BBOX1: variants seen among roughly 807,000 people sequenced by gnomAD.
BBOX1 encodes the protein gamma-butyrobetaine dioxygenase.
In BBOX1, 35 loss-of-function variants were observed where a neutral mutation model predicts 41.6. That is an observed-to-expected ratio of 0.84 (90% CI 0.64 to 1.11). BBOX1 has a LOEUF of 1.11. BBOX1 is among the 50% of genes most tolerant of loss of function. BBOX1 has a pLI of 0.00. For synonymous variants in BBOX1, 163 were observed against 154.7 expected (o/e 1.05, Z -0.40); for missense variants, 458 against 460.6 (o/e 0.99, Z 0.05).
intron 2 of BBOX1, among the ~76,000 whole-genome samples, chr11:27,046,889 C>T (rs1851501435): frequency 6.8e-6 from 1 of 146,796 alleles, no homozygotes; most frequent in African/African-American, 2.5e-5. Context: ...TTTCAGAAAG[C>T]ATTTGCTTTT....
At chr11:27,097,482 C>A (rs928931217) in intron 5 of BBOX1, among the ~76,000 whole-genome samples, 1 of 152,008 alleles carries the variant, frequency 6.6e-6, no homozygotes, top group African/African-American at 2.4e-5. Context: ...ACTAATAATA[C>A]GTGCATGGCA....
At chr11:27,048,552 AGAT>A (rs1851565603) in intron 2 of BBOX1, among the ~76,000 whole-genome samples, 1 of 150,894 alleles carries the variant, frequency 6.6e-6, no homozygotes, top group Non-Finnish European at 1.5e-5. Flanking sequence ...ATAGATAGAT[AGAT>A]AATAGATAGA....
chr11:27,063,045 T>A (rs890264386), intron 4 of BBOX1: 6 of 152,300 alleles, frequency 3.9e-5, no homozygotes, highest in African/African-American at 9.7e-5. Flanking sequence ...AACCGTAGCA[T>A]GACCTAGAAA....
intron 5 of BBOX1, among the ~76,000 whole-genome samples, chr11:27,108,766 G>A (rs1208737030): frequency 6.6e-6 from 1 of 151,966 alleles, no homozygotes; most frequent in Non-Finnish European, 1.5e-5. Flanking sequence ...GAGAAAAATA[G>A]AGCAAAATAG....
chr11:27,046,986 G>T (rs1035970824), intron 2 of BBOX1, among the ~76,000 whole-genome samples: 1 of 151,686 alleles, frequency 6.6e-6, no homozygotes, highest in Non-Finnish European at 1.5e-5. Flanking sequence ...AGTTAAAGTG[G>T]GAACTTATTT....
At chr11:27,057,095 GC>G in intron 3 of BBOX1, 105 bp from the exon 4 acceptor site, 2 of 298,936 alleles carry the variant, frequency 6.7e-6, no homozygotes, top group Admixed American at 6.3e-5. Flanking sequence ...ATTAAGCAAA[GC>G]ATAATTGGAT....
At chr11:27,076,698 T>C (rs1165423366) in intron 4 of BBOX1, among the ~76,000 whole-genome samples, 1 of 152,142 alleles carries the variant, frequency 6.6e-6, no homozygotes, top group African/African-American at 2.4e-5. Flanking sequence ...AGGTAGGGGC[T>C]GGGTCAGACA....
chr11:27,077,212 C>T (rs1480669212), intron 4 of BBOX1, among the ~76,000 whole-genome samples: 1 of 152,074 alleles, frequency 6.6e-6, no homozygotes, highest in African/African-American at 2.4e-5. Context: ...TGAAGTAGGA[C>T]CAAAAATGGC....
intron 4 of BBOX1, among the ~76,000 whole-genome samples, chr11:27,079,024 A>G (rs1488008149): frequency 1.3e-5 from 2 of 152,206 alleles, no homozygotes; most frequent in Admixed American, 6.5e-5. Context: ...CGCCATAAAC[A>G]TAAGAGCAAA....
At chr11:27,088,758 G>A (rs1858133040) in intron 4 of BBOX1, among the ~76,000 whole-genome samples, 2 of 151,944 alleles carry the variant, frequency 1.3e-5, no homozygotes, top group Non-Finnish European at 2.9e-5. Context: ...ACTTGGATTT[G>A]ACTAAGTAGT....
intron 2 of BBOX1, among the ~76,000 whole-genome samples, chr11:27,043,271 G>C (rs1349855141): frequency 1.3e-5 from 2 of 151,988 alleles, no homozygotes; most frequent in South Asian, 2.1e-4. Context: ...CACCGTGTTA[G>C]CCAAGGTGGT....
intron 2 of BBOX1, among the ~76,000 whole-genome samples, chr11:27,046,498 T>C (rs1248112759): frequency 2.0e-5 from 3 of 151,450 alleles, no homozygotes; most frequent in Admixed American, 2.0e-4. Flanking sequence ...AAGAAACCTA[T>C]CCCATCAGAT....
chr11:27,115,031 T>G (rs1364134650), intron 5 of BBOX1, among the ~76,000 whole-genome samples: 2 of 151,822 alleles, frequency 1.3e-5, no homozygotes, highest in Non-Finnish European at 2.9e-5. Flanking sequence ...ATAAACGTTT[T>G]GAAACTAGCT....
At chr11:27,103,057 G>C (rs1345149036) in intron 5 of BBOX1, among the ~76,000 whole-genome samples, 3 of 152,068 alleles carry the variant, frequency 2.0e-5, no homozygotes, top group African/African-American at 7.2e-5. Context: ...GAGCCTGATG[G>C]TGGGTGCCTA....
At position 27,055,438 on chromosome 11, in the gene BBOX1, G is replaced by A. The variant is rs148033507; in HGVS notation, c.8G>A (p.Cys3Tyr). The A allele has an allele frequency of 6.2e-7, 1 of 1,607,590 alleles. No homozygotes were observed. The highest frequency in any genetic ancestry group is 1.3e-5 in the African/African-American group (1 of 74,878). MA[C>Y]TIQKAEALDG... is the part of the protein sequence containing the mutation. Reference sequence around the variant, plus strand: ...CTCCTGAAGACCGGAAACATGGCTTGTACCATCCAAAAGGCAGAAGCACTT... The same window carrying A: ...CTCCTGAAGACCGGAAACATGGCTTATACCATCCAAAAGGCAGAAGCACTT... Residue 3 changes from cysteine (C) to tyrosine (Y), a missense_variant, in exon 3 of 9, where the codon TGT (cysteine) becomes TAT (tyrosine). Physicochemically the swap from Cys to Tyr is radical, Grantham distance 194. Transcript: ENST00000263182.
At chr11:27,068,262 C>T (rs1857349614) in intron 4 of BBOX1, among the ~76,000 whole-genome samples, 1 of 152,102 alleles carries the variant, frequency 6.6e-6, no homozygotes, top group South Asian at 2.1e-4. Context: ...TTAATAATAG[C>T]CATTCTGGTG....
At chr11:27,116,493 C>T (rs1859269187) in intron 6 of BBOX1, among the ~76,000 whole-genome samples, 2 of 151,498 alleles carry the variant, frequency 1.3e-5, no homozygotes, top group African/African-American at 4.8e-5. Context: ...AATAATAACT[C>T]ACTCCCTAAC....
At chr11:27,117,676 T>A (rs2134100107) in intron 6 of BBOX1, among the ~76,000 whole-genome samples, 1 of 152,114 alleles carries the variant, frequency 6.6e-6, no homozygotes, top group Non-Finnish European at 1.5e-5. Context: ...GTTTTGTTTC[T>A]GGGTTAAAAT....
intron 4 of BBOX1, among the ~76,000 whole-genome samples, chr11:27,082,532 A>G (rs1857883354): frequency 6.6e-6 from 1 of 152,140 alleles, no homozygotes; most frequent in Non-Finnish European, 1.5e-5. Flanking sequence ...TTCCTTCACC[A>G]TACAACCCTT....
Sources: allele counts gnomAD v4.1 joint callset (sites outside exome capture counted in the v4.1 genomes callset), GRCh38; gene constraint gnomAD v4.1.1; transcripts MANE v1.5; gene names NCBI Gene and HGNC (gene_info 2026-07-23, HGNC 2026-07-21).